The following SLC24A2 variants were observed in gnomAD, a reference collection of about 807,000 sequenced individuals.
SLC24A2 encodes the protein sodium/potassium/calcium exchanger 2.
A neutral mutation model predicts 62.0 loss-of-function variants in SLC24A2; 36 were observed. That is an observed-to-expected ratio of 0.58 (90% confidence interval 0.44 to 0.77). SLC24A2 has a LOEUF of 0.77. Ranked by LOEUF, SLC24A2 falls within the 30% of genes least tolerant of loss-of-function variation. The probability of loss-of-function intolerance (pLI) is 0.00; values close to 1 mark genes in which losing one functional copy is unlikely to be tolerated. For synonymous variants in SLC24A2, 358 were observed against 294.0 expected, an observed-to-expected ratio of 1.22 and a Z score of -2.23; for missense variants, 846 against 817.9, an observed-to-expected ratio of 1.03 and a Z score of -0.42.
the SLC24A2 span, among the ~76,000 whole-genome samples, chr9:20,034,616 G>A: frequency 6.6e-6 from 1 of 151,906 alleles, no homozygotes; most frequent in African/African-American, 2.4e-5. Flanking sequence ...ACAGTGGCCC[G>A]CCACTATGCC....
the SLC24A2 span, among the ~76,000 whole-genome samples, chr9:20,166,559 T>A: frequency 6.6e-6 from 1 of 151,958 alleles, no homozygotes; most frequent in African/African-American, 2.4e-5. Context: ...CAGGAGTATA[T>A]ATGGTATGTT....
the SLC24A2 span, among the ~76,000 whole-genome samples, chr9:19,939,053 A>G: frequency 2.6e-5 from 4 of 152,240 alleles, no homozygotes; most frequent in African/African-American, 9.6e-5. Context: ...GTCCGTAACT[A>G]TTATGGCAGA....
the SLC24A2 span, among the ~76,000 whole-genome samples, chr9:19,937,350 G>A: frequency 6.6e-6 from 1 of 152,186 alleles, no homozygotes; most frequent in Non-Finnish European, 1.5e-5. Flanking sequence ...ACAGAATAAT[G>A]GTTTTCACGT....
intron 2 of SLC24A2, among the ~76,000 whole-genome samples, chr9:19,663,947 G>C (rs1564024839): frequency 6.6e-6 from 1 of 152,226 alleles, no homozygotes; most frequent in Non-Finnish European, 1.5e-5. Context: ...CTAATAAGCA[G>C]GTGGATGGAC....
the SLC24A2 span, among the ~76,000 whole-genome samples, chr9:20,099,748 G>C: frequency 6.6e-6 from 1 of 152,106 alleles, no homozygotes; most frequent in Non-Finnish European, 1.5e-5. Flanking sequence ...CACTTCCTAG[G>C]TACCTCAATT....
chr9:19,617,581 C>G (rs1261653303), intron 4 of SLC24A2, among the ~76,000 whole-genome samples: 1 of 152,180 alleles, frequency 6.6e-6, no homozygotes, highest in Non-Finnish European at 1.5e-5. Context: ...TTTCTCCTTG[C>G]TTCCCAAAGG....
chr9:19,668,949 A>C (rs1819335526), intron 2 of SLC24A2, among the ~76,000 whole-genome samples: 1 of 152,186 alleles, frequency 6.6e-6, no homozygotes, highest in Non-Finnish European at 1.5e-5. Flanking sequence ...TAAGTGAATG[A>C]GTGCTATATT....
chr9:19,553,422 T>C (rs138021160), intron 7 of SLC24A2, among the ~76,000 whole-genome samples: 1,886 of 152,306 alleles, frequency 0.012, 14 homozygotes, highest in Non-Finnish European at 0.019. Context: ...CCAGAAAGGA[T>C]TCAAATGGCT....
intron 10 of SLC24A2, 116 bp downstream of exon 10, chr9:19,520,778 G>C: frequency 1.1e-6 from 1 of 896,386 alleles, no homozygotes; most frequent in Non-Finnish European, 1.9e-6. Context: ...TCTTTACTCT[G>C]TATTGGTATT....
chr9:20,279,716 A>T, the SLC24A2 span, among the ~76,000 whole-genome samples: 1 of 152,158 alleles, frequency 6.6e-6, no homozygotes, highest in African/African-American at 2.4e-5. Context: ...TGTAAAGCAT[A>T]ATTAGGAAGA....
chr9:19,553,909 C>T (rs1354844601), intron 7 of SLC24A2, among the ~76,000 whole-genome samples: 1 of 152,180 alleles, frequency 6.6e-6, no homozygotes, highest in Non-Finnish European at 1.5e-5. Context: ...ATCTATTCTG[C>T]CTATTATGGA....
At chr9:19,874,084 T>C in the SLC24A2 span, among the ~76,000 whole-genome samples, 6 of 143,296 alleles carry the variant, frequency 4.2e-5, no homozygotes, top group East Asian at 2.0e-4. Context: ...TCTTTTTTTT[T>C]TTTTTTTTTT....
At chr9:19,851,137 T>C in the SLC24A2 span, among the ~76,000 whole-genome samples, 1 of 147,752 alleles carries the variant, frequency 6.8e-6, no homozygotes, top group East Asian at 2.0e-4. Flanking sequence ...AATTCTGCTG[T>C]GTCAGCCTCC....
chr9:20,053,602 T>C, the SLC24A2 span, among the ~76,000 whole-genome samples: 2 of 152,274 alleles, frequency 1.3e-5, no homozygotes, highest in African/African-American at 4.8e-5. Flanking sequence ...TGGGGATGAT[T>C]AGGTCATGAG....
the SLC24A2 span, among the ~76,000 whole-genome samples, chr9:19,868,905 TA>T: frequency 0.027 from 4,075 of 152,278 alleles, 199 homozygotes; most frequent in African/African-American, 0.092. Context: ...ATTTTCTTTT[TA>T]AAAAATCTAG....
At chr9:20,039,565 AT>A in the SLC24A2 span, among the ~76,000 whole-genome samples, 1 of 152,028 alleles carries the variant, frequency 6.6e-6, no homozygotes, top group South Asian at 2.1e-4. Flanking sequence ...GGAGGTTGGC[AT>A]TGTGGAAATA....
the SLC24A2 span, among the ~76,000 whole-genome samples, chr9:19,873,536 CTCTTTCTT>C: frequency 9.8e-3 from 1,342 of 137,118 alleles, 10 homozygotes; most frequent in Non-Finnish European, 0.014. Context: ...TCCTTTCTTT[CTCTTTCTT>C]TCTTTCTTTC....
chr9:20,005,759 G>A, the SLC24A2 span, among the ~76,000 whole-genome samples: 114,397 of 150,992 alleles, frequency 0.76, 43,396 homozygotes, highest in African/African-American at 0.78. Flanking sequence ...TTATGCTGAA[G>A]CCAAAGGCCA....
chr9:20,166,863 C>A, the SLC24A2 span, among the ~76,000 whole-genome samples: 2 of 151,908 alleles, frequency 1.3e-5, no homozygotes, highest in African/African-American at 4.8e-5. Flanking sequence ...ATAAACTCAA[C>A]TGAATTTATT....
Sources: allele counts gnomAD v4.1 joint callset (sites outside exome capture counted in the v4.1 genomes callset), GRCh38; gene constraint gnomAD v4.1.1; transcripts MANE v1.5; gene names NCBI Gene and HGNC (gene_info 2026-07-23, HGNC 2026-07-21).